TSC22D1: variants seen among roughly 807,000 people sequenced by gnomAD.
The protein encoded by TSC22D1 is TSC22 domain family protein 1.
TSC22D1 carries 9 observed loss-of-function variants against 74.2 expected under a neutral mutation model. That is an observed-to-expected ratio of 0.12 (90% confidence interval 0.07 to 0.21). The LOEUF (loss-of-function observed/expected upper bound fraction) is 0.21, where lower values mean the gene tolerates loss of function less well. TSC22D1 is among the 10% of genes least tolerant of loss of function. TSC22D1 has a pLI of 1.00. For missense variants in TSC22D1, 1,427 were observed against 1,304.7 expected (o/e 1.09, Z -1.44); for synonymous variants, 586 against 492.5 (o/e 1.19, Z -2.51).
At chr13:44,454,390 T>G (rs1250453981) in intron 1 of TSC22D1, among the ~76,000 whole-genome samples, 24 of 152,136 alleles carry the variant, frequency 1.6e-4, no homozygotes, top group Non-Finnish European at 2.9e-4. Context: ...TAACAACATC[T>G]ATGTAAGTTA....
chr13:44,472,708 G>A (rs1186104069), intron 1 of TSC22D1, among the ~76,000 whole-genome samples: 2 of 152,204 alleles, frequency 1.3e-5, no homozygotes, highest in Non-Finnish European at 2.9e-5. Flanking sequence ...GGAGGCTGAG[G>A]TGGGAGGACT....
chr13:44,439,557 A>G (rs1875021289), intron 1 of TSC22D1, among the ~76,000 whole-genome samples: 1 of 152,256 alleles, frequency 6.6e-6, no homozygotes, highest in Admixed American at 6.5e-5. Context: ...GAGCTCACTG[A>G]GACTTGCTGA....
chr13:44,537,100 C>T, intron 1 of TSC22D1: 13 of 919,516 alleles, frequency 1.4e-5, no homozygotes, highest in Non-Finnish European at 1.6e-5. Flanking sequence ...TCAGTAAGTG[C>T]ATTTTTTTCA....
chr13:44,478,635 A>G (rs1249083826), intron 1 of TSC22D1, among the ~76,000 whole-genome samples: 1 of 152,214 alleles, frequency 6.6e-6, no homozygotes, highest in East Asian at 1.9e-4. Context: ...AAATGAGCCA[A>G]TGATAGTAAA....
chr13:44,434,997 T>A, intron 2 of TSC22D1, 114 bp from the exon 3 acceptor site: 1 of 927,534 alleles, frequency 1.1e-6, no homozygotes. Context: ...ATTCCACCTT[T>A]AAAGTTGGTT....
intron 1 of TSC22D1, among the ~76,000 whole-genome samples, chr13:44,476,458 A>G (rs2137921144): frequency 6.6e-6 from 1 of 152,290 alleles, no homozygotes; most frequent in Admixed American, 6.5e-5. Context: ...TCAATATACA[A>G]AAACAGGGAT....
intron 1 of TSC22D1, among the ~76,000 whole-genome samples, chr13:44,459,807 T>G (rs191666744): frequency 1.1e-4 from 16 of 152,312 alleles, no homozygotes; most frequent in Non-Finnish European, 2.2e-4. Context: ...CGCCTAGAGC[T>G]GCCTACCCCG....
At chr13:44,532,677 T>C (rs1880916737) in intron 1 of TSC22D1, among the ~76,000 whole-genome samples, 1 of 151,980 alleles carries the variant, frequency 6.6e-6, no homozygotes, top group African/African-American at 2.4e-5. Flanking sequence ...GGTTTCACCG[T>C]GTTAGCCAGG....
intron 1 of TSC22D1, among the ~76,000 whole-genome samples, chr13:44,572,943 A>G (rs1050530753): frequency 6.6e-6 from 1 of 152,192 alleles, no homozygotes; most frequent in East Asian, 1.9e-4. Flanking sequence ...CACATGCTCA[A>G]CAACTATTCT....
intron 1 of TSC22D1, chr13:44,436,903 C>T: frequency 2.7e-6 from 3 of 1,092,714 alleles, no homozygotes; most frequent in Non-Finnish European, 3.3e-6. Context: ...GAAAGAGCTG[C>T]GCCGATTGGC....
At chr13:44,498,228 G>T (rs1879061395) in intron 1 of TSC22D1, among the ~76,000 whole-genome samples, 1 of 152,054 alleles carries the variant, frequency 6.6e-6, no homozygotes, top group Non-Finnish European at 1.5e-5. Flanking sequence ...AGACTGGGAG[G>T]TTGAGGCTAC....
chr13:44,523,435 A>C (rs74609127), intron 1 of TSC22D1, among the ~76,000 whole-genome samples: 2,581 of 152,310 alleles, frequency 0.017, 63 homozygotes, highest in African/African-American at 0.058. Context: ...ACTGTGGTAG[A>C]TATATACAAT....
At chr13:44,509,949 G>GCAAAAAAAAAAAAAAAAAAAAAAAA (rs1555268695) in intron 1 of TSC22D1, among the ~76,000 whole-genome samples, 1 of 6,184 alleles carries the variant, frequency 1.6e-4, no homozygotes, top group Non-Finnish European at 3.2e-4. Context: ...TAGAAAATAA[G>GCAAAAAAAAAAAAAAAAAAAAAAAA]CAAAAAAAAA....
At chr13:44,570,874 CTTAAA>C (rs751382326) in intron 1 of TSC22D1, among the ~76,000 whole-genome samples, 1 of 152,114 alleles carries the variant, frequency 6.6e-6, no homozygotes, top group Non-Finnish European at 1.5e-5. Context: ...TGTAGTTATT[CTTAAA>C]TTATCTTCCA....
intron 1 of TSC22D1, among the ~76,000 whole-genome samples, chr13:44,556,369 ACCC>A (rs1208919919): frequency 6.6e-6 from 1 of 151,834 alleles, no homozygotes; most frequent in East Asian, 1.9e-4. Context: ...ACATGGTGAA[ACCC>A]CGTCTCTTAA....
chr13:44,442,914 C>CAAAAAAA (rs386378995), intron 1 of TSC22D1, among the ~76,000 whole-genome samples: 1 of 87,024 alleles, frequency 1.1e-5, no homozygotes. Context: ...GAGACTCTGT[C>CAAAAAAA]AAAAAAAAAA....
intron 1 of TSC22D1, among the ~76,000 whole-genome samples, chr13:44,561,873 C>A (rs1382786843): frequency 6.6e-6 from 1 of 152,114 alleles, no homozygotes; most frequent in Non-Finnish European, 1.5e-5. Context: ...AATCTTTTGT[C>A]ATTTTTCTTA....
At chr13:44,439,763 C>T (rs764628378) in intron 1 of TSC22D1, among the ~76,000 whole-genome samples, 1 of 152,184 alleles carries the variant, frequency 6.6e-6, no homozygotes, top group East Asian at 1.9e-4. Context: ...ACACAGATTC[C>T]AATTCAACTG....
intron 1 of TSC22D1, among the ~76,000 whole-genome samples, chr13:44,477,763 C>T (rs1436342336): frequency 6.6e-6 from 1 of 151,942 alleles, no homozygotes; most frequent in Non-Finnish European, 1.5e-5. Flanking sequence ...CTGCCTCGGC[C>T]TCCTGAGTAG....
Sources: allele counts gnomAD v4.1 joint callset (sites outside exome capture counted in the v4.1 genomes callset), GRCh38; gene constraint gnomAD v4.1.1; transcripts MANE v1.5; gene names NCBI Gene and HGNC (gene_info 2026-07-23, HGNC 2026-07-21).